SGK3: variants seen among roughly 807,000 people sequenced by gnomAD.
SGK3 encodes serum/glucocorticoid regulated kinase family member 3.
In SGK3, 47 loss-of-function variants were observed where a neutral mutation model predicts 68.5. That is an observed-to-expected ratio of 0.69 (90% confidence interval 0.54 to 0.87). The LOEUF (loss-of-function observed/expected upper bound fraction) is 0.87. Among genes scored for constraint, SGK3 ranks in the 40% least tolerant of loss-of-function variants. The probability of loss-of-function intolerance (pLI) is 0.00; values close to 1 mark genes in which losing one functional copy is unlikely to be tolerated. For missense variants in SGK3, 479 were observed against 575.5 expected, an observed-to-expected ratio of 0.83 and a Z score of 1.72; for synonymous variants, 181 against 189.1, an observed-to-expected ratio of 0.96 and a Z score of 0.35.
At chr8:66,767,860 G>C (rs1194290554) in intron 1 of SGK3, 1 of 1,389,952 alleles carries the variant, frequency 7.2e-7, no homozygotes, top group Admixed American at 1.7e-5. Flanking sequence ...AGCATCGAAT[G>C]TTTTGCCAAA....
intron 4 of SGK3, among the ~76,000 whole-genome samples, chr8:66,807,592 C>G (rs929722658): frequency 8.5e-5 from 13 of 152,110 alleles, no homozygotes; most frequent in African/African-American, 2.9e-4. Context: ...TTGGGGAAAT[C>G]AGATCTAAGT....
chr8:66,795,559 G>A (rs575890193), intron 2 of SGK3, among the ~76,000 whole-genome samples: 2 of 152,176 alleles, frequency 1.3e-5, no homozygotes, highest in East Asian at 3.9e-4. Flanking sequence ...AAGTTTGATG[G>A]AAGTTCACAC....
intron 1 of SGK3, among the ~76,000 whole-genome samples, chr8:66,792,550 C>T (rs1470164141): frequency 2.0e-5 from 3 of 151,998 alleles, no homozygotes; most frequent in Admixed American, 1.3e-4. Context: ...AACTAAACAT[C>T]CAGGGCAATT....
intron 10 of SGK3, 100 bp from the exon 11 acceptor site, chr8:66,839,903 A>G: frequency 8.8e-7 from 1 of 1,135,050 alleles, no homozygotes; most frequent in Non-Finnish European, 1.2e-6. Context: ...GTAACAAAGA[A>G]CAATTCCTAC....
chr8:66,787,799 C>T (rs1173738497), intron 1 of SGK3, among the ~76,000 whole-genome samples: 6 of 152,198 alleles, frequency 3.9e-5, no homozygotes, highest in Non-Finnish European at 5.9e-5. Flanking sequence ...TATTTCTGCA[C>T]ACCTCCCTTT....
intron 1 of SGK3, among the ~76,000 whole-genome samples, chr8:66,748,062 T>C (rs529098362): frequency 4.3e-4 from 65 of 152,192 alleles, no homozygotes; most frequent in Non-Finnish European, 8.2e-4. Flanking sequence ...TGGGATTACA[T>C]GAGGTAATGC....
intron 1 of SGK3, among the ~76,000 whole-genome samples, chr8:66,768,274 T>TAA (rs1806391210): frequency 6.6e-6 from 1 of 152,292 alleles, no homozygotes; most frequent in African/African-American, 2.4e-5. Flanking sequence ...AATCAAAATA[T>TAA]GTTTAGTTCT....
intron 6 of SGK3, among the ~76,000 whole-genome samples, chr8:66,827,318 G>T (rs1216565705): frequency 6.7e-6 from 1 of 149,694 alleles, no homozygotes; most frequent in African/African-American, 2.5e-5. Flanking sequence ...GGAGGTGGAG[G>T]TTGCAGTGAG....
At chr8:66,815,110 T>G (rs1224197549) in intron 5 of SGK3, among the ~76,000 whole-genome samples, 1 of 152,212 alleles carries the variant, frequency 6.6e-6, no homozygotes, top group Non-Finnish European at 1.5e-5. Context: ...CTAAAAATGA[T>G]GATTACCATT....
At chr8:66,807,625 G>A (rs1170952000) in intron 4 of SGK3, among the ~76,000 whole-genome samples, 1 of 152,170 alleles carries the variant, frequency 6.6e-6, no homozygotes, top group Non-Finnish European at 1.5e-5. Flanking sequence ...AACAGAGATG[G>A]ATAAGATGCT....
rs565365966 is a variant in SGK3 at position 66,763,174 on chromosome 8, A to G, written c.-121-30442A>G. Among the ~76,000 whole-genome samples the G allele has an allele frequency of 1.9e-4, 29 of 152,340 alleles. 1 individual carries two copies. The South Asian group carries it at 5.8e-3, about 30-fold the overall frequency. On this transcript the variant is annotated intron_variant, in intron 1 of 16. Transcript: ENST00000521198. ...TGCAGTTTATATTGGAAGGCAGGAT[A>G]TAGGCTTGATTCTTATCTTTTATTT...
chr8:66,803,626 C>G (rs1808039741), intron 3 of SGK3, among the ~76,000 whole-genome samples: 1 of 151,720 alleles, frequency 6.6e-6, no homozygotes, highest in South Asian at 2.1e-4. Flanking sequence ...TCTCTGAAGA[C>G]AAGCATATCT....
chr8:66,733,295 G>A (rs1251498054), intron 1 of SGK3, among the ~76,000 whole-genome samples: 1 of 152,094 alleles, frequency 6.6e-6, no homozygotes. Flanking sequence ...CTTCTGGGAG[G>A]GAAATTTCTG....
chr8:66,804,382 AAC>A lies in SGK3; in HGVS notation c.190_191del (p.Gln64ValfsTer16). ...TATTTTTAAAAATTTTAGTTAAAAA[AAC>A]AGTTTCCTGCTATGGCCCTGAAGAT... On this transcript the variant is annotated frameshift_variant, in exon 4 of 17. Transcript: ENST00000521198. LOFTEE classifies it high-confidence loss of function. The A allele has an allele frequency of 1.2e-6, 2 of 1,608,088 alleles. No individual in the cohort carries two copies. Among genetic ancestry groups the A allele is most frequent in the Non-Finnish European group, 1.7e-6 (2 of 1,178,430 alleles).
chr8:66,843,388 T>C (rs1809872342), intron 13 of SGK3, 64 bp from the exon 14 acceptor site: 2 of 1,501,676 alleles, frequency 1.3e-6, no homozygotes, highest in East Asian at 4.7e-5. Context: ...AATTTCTCAA[T>C]TATTTATAAA....
At chr8:66,732,634 C>G (rs923394963) in intron 1 of SGK3, among the ~76,000 whole-genome samples, 2 of 152,158 alleles carry the variant, frequency 1.3e-5, no homozygotes, top group Non-Finnish European at 2.9e-5. Flanking sequence ...CACCTGAGGT[C>G]AGGAGTTCAA....
chr8:66,847,144 C>T (rs371593988), intron 14 of SGK3, 49 bp from the exon 15 acceptor site: 103 of 1,576,060 alleles, frequency 6.5e-5, no homozygotes, highest in Non-Finnish European at 7.5e-5. Context: ...ACCCCATTTG[C>T]GCATAATTTG....
intron 1 of SGK3, among the ~76,000 whole-genome samples, chr8:66,769,212 C>T (rs77843007): frequency 0.12 from 18,903 of 152,080 alleles, 2,177 homozygotes; most frequent in African/African-American, 0.3. Context: ...CACAGCTCAT[C>T]GATTCTCTTT....
intron 1 of SGK3, chr8:66,767,748 T>G: frequency 6.4e-7 from 1 of 1,568,868 alleles, no homozygotes; most frequent in South Asian, 1.1e-5. Flanking sequence ...CAGAAAAGCT[T>G]GGCTGTTTTT....
Sources: allele counts gnomAD v4.1 joint callset (sites outside exome capture counted in the v4.1 genomes callset), GRCh38; gene constraint gnomAD v4.1.1; transcripts MANE v1.5; gene names NCBI Gene and HGNC (gene_info 2026-07-23, HGNC 2026-07-21).